VSTM1: variants seen among roughly 807,000 people sequenced by gnomAD.
VSTM1 encodes V-set and transmembrane domain-containing protein 1.
VSTM1 carries 27 observed loss-of-function variants against 33.1 expected under a neutral mutation model. The observed-to-expected ratio is 0.82, with a 90% CI of 0.60 to 1.12. VSTM1 has a LOEUF of 1.12. VSTM1 is among the 50% of genes most tolerant of loss of function. The probability of loss-of-function intolerance (pLI) is 0.00; values close to 1 mark genes in which losing one functional copy is unlikely to be tolerated. For missense variants in VSTM1, 304 were observed against 288.9 expected (o/e 1.05, Z -0.38); for synonymous variants, 115 against 110.3 (o/e 1.04, Z -0.27).
intron 3 of VSTM1, among the ~76,000 whole-genome samples, chr19:54,054,265 G>A (rs1332298265): frequency 1.4e-5 from 2 of 141,802 alleles, no homozygotes; most frequent in African/African-American, 2.6e-5. Flanking sequence ...GAACATAATT[G>A]GGAAATGGCA....
intron 3 of VSTM1, among the ~76,000 whole-genome samples, chr19:54,051,998 T>A (rs1411486089): frequency 1.3e-5 from 2 of 151,984 alleles, no homozygotes; most frequent in African/African-American, 4.8e-5. Context: ...TGGCCTCAAG[T>A]GATCAACCTG....
intron 4 of VSTM1, among the ~76,000 whole-genome samples, chr19:54,045,257 TCTAC>T (rs1355794577): frequency 4.6e-5 from 7 of 152,204 alleles, no homozygotes; most frequent in African/African-American, 1.7e-4. Context: ...CTATTATCTA[TCTAC>T]CTATCTATCT....
chr19:54,042,806 G>GTGTGTATA, intron 4 of VSTM1, among the ~76,000 whole-genome samples: 1 of 57,950 alleles, frequency 1.7e-5, no homozygotes, highest in South Asian at 6.1e-4. Flanking sequence ...ATATAAATGT[G>GTGTGTATA]TATATATATA....
chr19:54,063,672 A>T, intron 1 of VSTM1, 72 bp downstream of exon 1: 2 of 1,582,180 alleles, frequency 1.3e-6, no homozygotes, highest in Non-Finnish European at 1.7e-6. Context: ...CCGCATTTCC[A>T]CCTGGACTGC....
At chr19:54,062,753 A>G (rs1301852795) in intron 1 of VSTM1, among the ~76,000 whole-genome samples, 1 of 149,800 alleles carries the variant, frequency 6.7e-6, no homozygotes, top group Non-Finnish European at 1.5e-5. Flanking sequence ...TCTAAGGTGC[A>G]AATGTGTGTA....
At chr19:54,042,096 C>A in intron 6 of VSTM1, 73 bp downstream of exon 6, 2 of 1,609,296 alleles carry the variant, frequency 1.2e-6, no homozygotes, top group Non-Finnish European at 8.5e-7. Context: ...GGGTGCCAAT[C>A]CCGGATGTGC....
chr19:54,048,908 A>AC (rs756964523), intron 4 of VSTM1, among the ~76,000 whole-genome samples: 1 of 152,042 alleles, frequency 6.6e-6, no homozygotes, highest in African/African-American at 2.4e-5. Context: ...ACATGGTGAA[A>AC]CCCCCTCTCT....
At position 54,041,956 on chromosome 19, in the gene VSTM1, G is replaced by A; in HGVS notation, c.516-3C>T. On this transcript the variant is annotated splice_region_variant and splice_polypyrimidine_tract_variant and intron_variant, in intron 6 of 8. Transcript: ENST00000338372. ...CCGGAAGTTTGGAATGGCTGGTTCT[G>A]AAAGAGAGAGACACACGTGAAAGGA... The A allele has an allele frequency of 1.2e-6, 2 of 1,614,160 alleles. No homozygotes were observed. The highest frequency in any genetic ancestry group is 1.7e-6 in the Non-Finnish European group (2 of 1,180,030).
chr19:54,042,384 G>C lies in VSTM1; in HGVS notation c.395-15C>G. 1 of 1,611,710 alleles carries C rather than the reference G, an allele frequency of 6.2e-7. No homozygotes were observed. Among genetic ancestry groups the C allele is most frequent in the African/African-American group, 1.3e-5 (1 of 74,962 alleles). ...GGTTCTGGTGTCTGGAGGGGGAAGA[G>C]CAGGTCAGGGAATCAGCCTGGCTCC... On this transcript the variant is annotated splice_polypyrimidine_tract_variant and intron_variant, in intron 4 of 8. Coordinates refer to ENST00000338372, the MANE Select transcript of VSTM1 (RefSeq NM_198481.4).
rs1480359256 is a variant in VSTM1, at chr19:54,041,786, G to A, written c.584C>T (p.Ser195Phe). The A allele has an allele frequency of 1.9e-6, 3 of 1,613,558 alleles. No homozygotes were observed. Among genetic ancestry groups the A allele is most frequent in the Admixed American group, 1.7e-5 (1 of 59,940 alleles). The change falls in exon 8 of 9, where the codon TCT becomes TTT. Residue 195 changes from serine to phenylalanine, a missense_variant. By Grantham distance (155) the Ser-to-Phe change is radical. Transcript: ENST00000338372. ...CTAAGCGGGAGGACTCACCGAGAGA[G>A]ATACCCTTTCCATATTGGATAAATC... Reference protein sequence around the residue: ...EADLSNMERVSLSTADPQGVT... With the variant: ...EADLSNMERVFLSTADPQGVT...
intron 1 of VSTM1, among the ~76,000 whole-genome samples, chr19:54,060,906 GTC>G (rs537357978): frequency 6.6e-6 from 1 of 151,898 alleles, no homozygotes; most frequent in Non-Finnish European, 1.5e-5. Context: ...GCCCAGGCTG[GTC>G]TCGAACACCT....
In VSTM1 at chr19:54,058,382, C is replaced by T; in HGVS notation, c.279G>A (p.Arg93=). Reference sequence around the variant, plus strand: ...CTGTTGTCTTGTAGGCACAAAAGTACCTCCCAGCATCCTTAGGCTTCAGGT... The same window carrying T: ...CTGTTGTCTTGTAGGCACAAAAGTATCTCCCAGCATCCTTAGGCTTCAGGT... ...FTDLKPKDAG[R]YFCAYKTTAS... Residue 93 remains arginine (R), a synonymous_variant, in exon 3 of 9, where the codon AGG becomes AGA. Transcript: ENST00000338372. 6.2e-7 allele frequency: 1 copy of T among 1,614,136 alleles called. No homozygotes were observed. Among genetic ancestry groups the T allele is most frequent in the African/African-American group, 1.3e-5 (1 of 75,034 alleles).
At chr19:54,046,991 T>A (rs1320791770) in intron 4 of VSTM1, among the ~76,000 whole-genome samples, 1 of 151,732 alleles carries the variant, frequency 6.6e-6, no homozygotes, top group Non-Finnish European at 1.5e-5. Flanking sequence ...AGGTCAGGAG[T>A]TCGAGACCAG....
Position 54,042,992 on chromosome 19 carries a change from C to T in VSTM1, c.395-623G>A, listed in dbSNP as rs1033081016. Among the ~76,000 whole-genome samples the T allele has an allele frequency of 3.3e-5, 5 of 150,628 alleles. 1 individual carries two copies. Among genetic ancestry groups the T allele is most frequent in the African/African-American group, 7.3e-5 (3 of 41,048 alleles). On this transcript the variant is annotated intron_variant, in intron 4 of 8. Coordinates refer to ENST00000338372, the MANE Select transcript of VSTM1 (RefSeq NM_198481.4). ...CCTCCTGAGTAGTTGGGATTACAGGCGTGAGCCACCACATCTGTCTGTGTA... is the reference window on the plus strand; with the variant it reads ...CCTCCTGAGTAGTTGGGATTACAGGTGTGAGCCACCACATCTGTCTGTGTA...
chr19:54,042,020 G>C (rs67563163), intron 6 of VSTM1, 67 bp from the exon 7 acceptor site: 3 of 1,608,468 alleles, frequency 1.9e-6, no homozygotes, highest in Non-Finnish European at 1.7e-6. Flanking sequence ...GAGGGCAATG[G>C]AGGGGAGAGG....
At chr19:54,056,394 G>T (rs2071103892) in intron 3 of VSTM1, among the ~76,000 whole-genome samples, 1 of 136,576 alleles carries the variant, frequency 7.3e-6, no homozygotes, top group Non-Finnish European at 1.6e-5. Flanking sequence ...GGTAATTATT[G>T]TATTTTTGTA....
At chr19:54,053,507 C>T (rs1284518179) in intron 3 of VSTM1, among the ~76,000 whole-genome samples, 1 of 142,594 alleles carries the variant, frequency 7.0e-6, no homozygotes, top group East Asian at 2.0e-4. Context: ...CTCAATCTCT[C>T]TTCTTGCAAG....
intron 4 of VSTM1, among the ~76,000 whole-genome samples, chr19:54,045,670 A>G (rs1469812437): frequency 1.3e-5 from 2 of 152,024 alleles, no homozygotes; most frequent in Non-Finnish European, 2.9e-5. Flanking sequence ...ACTATTATCT[A>G]TTTAATCTAT....
chr19:54,042,432 G>A (rs1296433504), intron 4 of VSTM1, 63 bp from the exon 5 acceptor site: 1 of 1,561,954 alleles, frequency 6.4e-7, no homozygotes, highest in African/African-American at 1.4e-5. Flanking sequence ...ATAGGGGCGA[G>A]CCGAAAAGCT....
Sources: allele counts gnomAD v4.1 joint callset (sites outside exome capture counted in the v4.1 genomes callset), GRCh38; gene constraint gnomAD v4.1.1; transcripts MANE v1.5; gene names NCBI Gene and HGNC (gene_info 2026-07-23, HGNC 2026-07-21).